The following DLGAP2 variants were observed in gnomAD, a reference collection of about 807,000 sequenced individuals.
DLGAP2 encodes disks large-associated protein 2.
Under a neutral mutation model 100.3 loss-of-function variants are expected in DLGAP2, and 26 were observed. The observed-to-expected ratio is 0.26, with a 90% CI of 0.19 to 0.36. The LOEUF (loss-of-function observed/expected upper bound fraction) is 0.36. DLGAP2 is among the 10% of genes least tolerant of loss of function. DLGAP2 has a pLI of 1.00. For missense variants in DLGAP2, 1,858 were observed against 1,453.2 expected, an observed-to-expected ratio of 1.28 and a Z score of -4.53; for synonymous variants, 886 against 630.1, an observed-to-expected ratio of 1.41 and a Z score of -6.08.
intron 3 of DLGAP2, among the ~76,000 whole-genome samples, chr8:1,305,418 C>A (rs937076075): frequency 6.6e-6 from 1 of 152,058 alleles, no homozygotes; most frequent in Non-Finnish European, 1.5e-5. Context: ...AGAAATTAGT[C>A]CTTACAGTTT....
At chr8:845,878 G>C in intron 1 of DLGAP2, among the ~76,000 whole-genome samples, 1 of 152,168 alleles carries the variant, frequency 6.6e-6, no homozygotes, top group Non-Finnish European at 1.5e-5. Flanking sequence ...TTGGCATTTG[G>C]CTGTCCAGCT....
intron 1 of DLGAP2, chr8:753,492 G>T (rs1326318976): frequency 6.6e-6 from 1 of 152,232 alleles, no homozygotes; most frequent in Non-Finnish European, 1.5e-5. Context: ...GAGATGGGAG[G>T]TGCCGCTGAA....
intron 3 of DLGAP2, among the ~76,000 whole-genome samples, chr8:1,324,358 A>C (rs147667627): frequency 6.6e-6 from 1 of 152,256 alleles, no homozygotes; most frequent in Non-Finnish European, 1.5e-5. Context: ...CTTAGTCCTG[A>C]GTTTGACTTT....
At chr8:884,546 G>T (rs180839676) in intron 1 of DLGAP2, among the ~76,000 whole-genome samples, 22 of 151,974 alleles carry the variant, frequency 1.4e-4, no homozygotes, top group African/African-American at 5.1e-4. Flanking sequence ...TTGTCAGATG[G>T]GTAGATTGCA....
intron 8 of DLGAP2, among the ~76,000 whole-genome samples, chr8:1,646,252 C>A (rs1335761494): frequency 6.6e-6 from 1 of 152,134 alleles, no homozygotes; most frequent in African/African-American, 2.4e-5. Context: ...CTTTGAACTG[C>A]GACTTGCACC....
chr8:866,494 G>T (rs948911352), intron 1 of DLGAP2, among the ~76,000 whole-genome samples: 1 of 152,178 alleles, frequency 6.6e-6, no homozygotes, highest in Non-Finnish European at 1.5e-5. Context: ...TAGCTGATCA[G>T]TCCCCACCTT....
intron 2 of DLGAP2, among the ~76,000 whole-genome samples, chr8:1,097,240 G>A (rs1298192090): frequency 2.3e-5 from 3 of 133,118 alleles, no homozygotes; most frequent in African/African-American, 9.0e-5. Flanking sequence ...GGCATGGAGA[G>A]GTCCCCTCCA....
At chr8:998,410 C>G (rs1297915620) in intron 2 of DLGAP2, among the ~76,000 whole-genome samples, 1 of 152,190 alleles carries the variant, frequency 6.6e-6, no homozygotes, top group African/African-American at 2.4e-5. Flanking sequence ...AAGCTATCCT[C>G]CCACCTCTGC....
chr8:1,380,866 G>C lies in DLGAP2; in HGVS notation c.107-120500G>C, dbSNP rs140071556. On this transcript the variant is annotated intron_variant, in intron 3 of 14. Transcript: ENST00000637795. ...TAAACTTAAGAAAATAAAGCCATAA[G>C]AATTGCAAAATATGATTTTGGTGAC... Among the ~76,000 whole-genome samples the C allele has an allele frequency of 4.2e-3, 527 of 124,334 alleles. 7 individuals are homozygous for C. Among genetic ancestry groups the C allele is most frequent in the African/African-American group, 0.014 (487 of 33,846 alleles). 81.6% of individuals were successfully genotyped at this position (124,334 alleles called of 152,430 possible). A position where few individuals can be genotyped will look rare whatever the true frequency, so the allele number is the denominator to read the frequency against.
chr8:1,386,285 A>G (rs999766237), intron 3 of DLGAP2, among the ~76,000 whole-genome samples: 5 of 152,178 alleles, frequency 3.3e-5, no homozygotes, highest in Non-Finnish European at 5.9e-5. Flanking sequence ...CCAGACCCAA[A>G]GTCGGTGAGA....
At chr8:969,130 C>T (rs555981117) in intron 2 of DLGAP2, among the ~76,000 whole-genome samples, 1 of 152,238 alleles carries the variant, frequency 6.6e-6, no homozygotes, top group African/African-American at 2.4e-5. Flanking sequence ...TGAAGCAGAC[C>T]TCTCCCCAGG....
chr8:1,492,928 C>A (rs1262175361), intron 3 of DLGAP2, among the ~76,000 whole-genome samples: 1 of 152,176 alleles, frequency 6.6e-6, no homozygotes, highest in Non-Finnish European at 1.5e-5. Context: ...GTCAACCCGC[C>A]CTCCACCCTC....
chr8:1,164,634 C>T (rs917122857), intron 2 of DLGAP2, among the ~76,000 whole-genome samples: 3 of 152,136 alleles, frequency 2.0e-5, no homozygotes, highest in East Asian at 1.9e-4. Context: ...TGCTCAGAAC[C>T]GCCAGGGCCT....
At chr8:785,502 C>A (rs1208280876) in intron 1 of DLGAP2, among the ~76,000 whole-genome samples, 1 of 142,162 alleles carries the variant, frequency 7.0e-6, no homozygotes, top group Non-Finnish European at 1.5e-5. Context: ...CAGCTTCCCT[C>A]CTCCCCTCAG....
chr8:779,772 C>G (rs555761091), intron 1 of DLGAP2, among the ~76,000 whole-genome samples: 1 of 152,152 alleles, frequency 6.6e-6, no homozygotes, highest in Non-Finnish European at 1.5e-5. Flanking sequence ...GGCCACATTT[C>G]TCTGTGTCAT....
intron 1 of DLGAP2, among the ~76,000 whole-genome samples, chr8:842,994 C>G (rs1797010152): frequency 1.3e-5 from 2 of 152,318 alleles, no homozygotes; most frequent in Admixed American, 6.5e-5. Context: ...GGATGTGCCT[C>G]TCTGGCGGGC....
At chr8:1,590,798 G>C (rs1428724549) in intron 6 of DLGAP2, among the ~76,000 whole-genome samples, 1 of 152,118 alleles carries the variant, frequency 6.6e-6, no homozygotes, top group Non-Finnish European at 1.5e-5. Flanking sequence ...CCCGTTCGGA[G>C]GCTCCCTCTG....
chr8:1,631,649 T>C (rs1797648670), intron 7 of DLGAP2, among the ~76,000 whole-genome samples: 1 of 152,204 alleles, frequency 6.6e-6, no homozygotes, highest in Non-Finnish European at 1.5e-5. Flanking sequence ...TGCCAACTCT[T>C]TCTGCAGCCT....
chr8:1,047,563 C>T (rs183247504), intron 2 of DLGAP2, among the ~76,000 whole-genome samples: 2 of 152,300 alleles, frequency 1.3e-5, no homozygotes, highest in African/African-American at 4.8e-5. Flanking sequence ...TTATAAACAA[C>T]AGTATTTATT....
Sources: gnomAD v4.1 joint callset for allele counts (sites outside exome capture counted in the v4.1 genomes callset) on GRCh38, gnomAD v4.1.1 for gene constraint, MANE v1.5 for transcripts, NCBI Gene and HGNC (gene_info 2026-07-23, HGNC 2026-07-21) for gene names.